ARFRP1: variants seen among roughly 807,000 people sequenced by gnomAD.
ARFRP1 encodes the protein ADP-ribosylation factor-related protein 1.
In ARFRP1, 19 loss-of-function variants were observed where a neutral mutation model predicts 30.3. The observed-to-expected ratio is 0.63, with a 90% CI of 0.44 to 0.92. The LOEUF is 0.92. Among genes scored for constraint, ARFRP1 ranks in the 40% least tolerant of loss-of-function variants. ARFRP1 has a pLI of 0.00. For synonymous variants in ARFRP1, 133 were observed against 114.2 expected, an observed-to-expected ratio of 1.16 and a Z score of -1.05; for missense variants, 245 against 267.5, an observed-to-expected ratio of 0.92 and a Z score of 0.59.
Position 63,707,104 on chromosome 20 carries a change from A to G in ARFRP1, c.-6-7T>C, listed in dbSNP as rs1171494499. ...GCAGCGTGTACATCCTGCCCTGGGC[A>G]CCCCAACATAGGTCAGTGTGCAGCC... On this transcript the variant is annotated splice_region_variant and splice_polypyrimidine_tract_variant and intron_variant, in intron 1 of 7. Transcript: ENST00000622789. 1.3e-6 allele frequency: 2 copies of G among 1,595,500 alleles called. No individual in the cohort carries two copies. Among genetic ancestry groups the G allele is most frequent in the Admixed American group, 3.5e-5 (2 of 57,450 alleles).
chr20:63,701,135 C>A, intron 6 of ARFRP1: 1 of 429,816 alleles, frequency 2.3e-6, no homozygotes, highest in Non-Finnish European at 4.9e-6. Flanking sequence ...GCCCAGTCTT[C>A]AAAAAGCAGC....
In ARFRP1 at chr20:63,704,171, C is replaced by T. The variant is rs1337974572; in HGVS notation, c.265-1954G>A. The stretch of plus-strand genomic sequence containing the variant: ...GACGAGGCCAATTCGCAATGACGCC[C>T]CTTTCTGTGGTGCTGGCTCTGCACA... On this transcript the variant is annotated intron_variant, in intron 4 of 7. Coordinates refer to ENST00000622789, the MANE Select transcript of ARFRP1 (RefSeq NM_001267547.3). The T allele has an allele frequency of 5.3e-5, 8 of 152,192 alleles. No homozygotes were observed. In the South Asian group the frequency reaches 1.7e-3, roughly 32 times the overall value. The allele number at this position is 152,192 out of a possible 1,614,324, so 9.4% of individuals were successfully genotyped here.
chr20:63,706,299 T>C (rs1288903026), intron 4 of ARFRP1, 58 bp downstream of exon 4: 2 of 1,517,002 alleles, frequency 1.3e-6, no homozygotes, highest in East Asian at 4.5e-5. Flanking sequence ...AAGGGCACTC[T>C]GGAAAGAAGT....
chr20:63,707,049 T>G lies in ARFRP1; in HGVS notation c.43A>C (p.Lys15Gln). The change falls in exon 2 of 8, where the codon AAG becomes CAG. Residue 15 changes from lysine to glutamine, a missense_variant. By Grantham distance (53) the Lys-to-Gln change is moderately conservative. Coordinates refer to ENST00000622789, the MANE Select transcript of ARFRP1 (RefSeq NM_001267547.3). ...AGGATCAGGATGCAGTACTCGTCCT[T>G]CTGAAACATGTACTTGTACAAGCCC... ...LSGLYKYMFQKDEYCILILGL... is the reference protein window; with the variant it reads ...LSGLYKYMFQQDEYCILILGL... 1 of 1,613,862 alleles carries G rather than the reference T, an allele frequency of 6.2e-7. No homozygotes were observed. Among genetic ancestry groups the G allele is most frequent in the Non-Finnish European group, 8.5e-7 (1 of 1,179,964 alleles).
intron 5 of ARFRP1, 97 bp from the exon 6 acceptor site, chr20:63,701,997 T>TGG: frequency 1.5e-6 from 1 of 684,608 alleles, no homozygotes; most frequent in Non-Finnish European, 2.2e-6. Flanking sequence ...CCACTCCCTC[T>TGG]GCCCCCCCCC....
At chr20:63,703,007 T>A (rs949995274) in intron 4 of ARFRP1, 1 of 152,228 alleles carries the variant, frequency 6.6e-6, no homozygotes, top group Non-Finnish European at 1.5e-5. Flanking sequence ...CAGCCTCAGG[T>A]ACAAGTGCTG....
chr20:63,707,971 G>A lies in ARFRP1; in HGVS notation c.-111C>T, dbSNP rs1353029660. 1 of 152,120 alleles carries A rather than the reference G, an allele frequency of 6.6e-6. No homozygotes were observed. The highest frequency in any genetic ancestry group is 1.5e-5 in the Non-Finnish European group (1 of 68,026). 9.4% of individuals were successfully genotyped at this position (152,120 alleles called of 1,614,324 possible). A position where few individuals can be genotyped will look rare whatever the true frequency, so the allele number is the denominator to read the frequency against. On this transcript the variant is annotated 5_prime_UTR_variant, in exon 1 of 8. Transcript: ENST00000622789. ...CCTGACGGGACGCGGGCCGGCCTCA[G>A]GGAATGAGCTGAACCGCGTCCCAGC...
intron 4 of ARFRP1, chr20:63,704,114 C>T (rs2091339285): frequency 6.6e-6 from 1 of 152,300 alleles, no homozygotes; most frequent in Admixed American, 6.5e-5. Context: ...ACATGCCACA[C>T]ATGTGGACAC....
At position 63,700,463 on chromosome 20, in the gene ARFRP1, G is replaced by T; in HGVS notation, c.586C>A (p.Arg196=). ...CVVRNVHRPP[R]QRDIT is the part of the protein sequence containing the mutation. ...TGCGCCTACGTGATGTCCCTCTGCC[G>T]CGGCGGCCGGTGCACATTCCGCACG... The change falls in exon 8 of 8, where the codon CGG becomes AGG. Residue 196 remains arginine, a synonymous_variant. Transcript: ENST00000622789. The T allele has an allele frequency of 6.2e-7, 1 of 1,609,418 alleles. No individual in the cohort carries two copies. The highest frequency in any genetic ancestry group is 8.5e-7 in the Non-Finnish European group (1 of 1,179,830).
chr20:63,707,113 T>C lies in ARFRP1; in HGVS notation c.-6-16A>G. On this transcript the variant is annotated splice_polypyrimidine_tract_variant and intron_variant, in intron 1 of 7. Coordinates refer to ENST00000622789, the MANE Select transcript of ARFRP1 (RefSeq NM_001267547.3). ...ACATCCTGCCCTGGGCACCCCAACATAGGTCAGTGTGCAGCCAGAAAGCAC... is the reference window on the plus strand; with the variant it reads ...ACATCCTGCCCTGGGCACCCCAACACAGGTCAGTGTGCAGCCAGAAAGCAC... 1.3e-6 allele frequency: 2 copies of C among 1,586,252 alleles called. No homozygotes were observed. The highest frequency in any genetic ancestry group is 1.3e-5 in the African/African-American group (1 of 74,162).
chr20:63,706,258 T>G lies in ARFRP1; in HGVS notation c.264+99A>C, dbSNP rs986322923. On this transcript the variant is annotated intron_variant, in intron 4 of 7. Coordinates refer to ENST00000622789, the MANE Select transcript of ARFRP1 (RefSeq NM_001267547.3). ...CAGAGAGAAAACCCGAGGGACAGAG[T>G]GGGTAAGGAAAACTGCTGAGGAAGG... 12 of 1,105,856 alleles carry G rather than the reference T, an allele frequency of 1.1e-5. No individual in the cohort carries two copies. The Admixed American group carries it at 1.9e-4, about 18-fold the overall frequency. 68.5% of individuals were successfully genotyped at this position (1,105,856 alleles called of 1,614,324 possible). A position where few individuals can be genotyped will look rare whatever the true frequency, so the allele number is the denominator to read the frequency against.
At chr20:63,701,418 G>T in intron 6 of ARFRP1, 1 of 515,880 alleles carries the variant, frequency 1.9e-6, no homozygotes, top group Admixed American at 2.1e-5. Flanking sequence ...TGGGGGTGGG[G>T]CTGGCACAGA....
intron 4 of ARFRP1, chr20:63,702,506 A>G (rs1032419055): frequency 4.9e-6 from 2 of 408,930 alleles, no homozygotes; most frequent in South Asian, 5.4e-5. Flanking sequence ...TTATCCCAAC[A>G]CTTTGGGAGG....
intron 6 of ARFRP1, chr20:63,701,415 G>A (rs1333047206): frequency 7.7e-6 from 4 of 522,660 alleles, no homozygotes; most frequent in Non-Finnish European, 3.9e-6. Flanking sequence ...CCCTGGGGGT[G>A]GGGCTGGCAC....
chr20:63,701,527 CCCCA>C (rs2091204772), intron 6 of ARFRP1: 1 of 559,624 alleles, frequency 1.8e-6, no homozygotes, highest in East Asian at 3.1e-5. Flanking sequence ...ACCTGGGTGT[CCCCA>C]CAGCTTGGCC....
intron 4 of ARFRP1, chr20:63,704,947 C>T (rs2091385391): frequency 6.6e-6 from 1 of 152,504 alleles, no homozygotes; most frequent in South Asian, 2.1e-4. Context: ...GCCAGTTCTC[C>T]TCCAGGGCTC....
Position 63,700,313 on chromosome 20 carries a change from G to C in ARFRP1, c.*130C>G, listed in dbSNP as rs1568744582. 2 of 1,354,812 alleles carry C rather than the reference G, an allele frequency of 1.5e-6. No individual in the cohort carries two copies. The highest frequency in any genetic ancestry group is 1.5e-5 in the African/African-American group (1 of 68,352). 83.9% of individuals were successfully genotyped at this position (1,354,812 alleles called of 1,614,324 possible). ...GACATAGAGGAAAGTTTGTCTTCGA[G>C]AAAACAAAGTAAATAGAAGAACCCC... On this transcript the variant is annotated 3_prime_UTR_variant, in exon 8 of 8. Coordinates refer to ENST00000622789, the MANE Select transcript of ARFRP1 (RefSeq NM_001267547.3).
rs900317553 is a variant in ARFRP1 at position 63,707,915 on chromosome 20, T to G, written c.-55A>C. On this transcript the variant is annotated 5_prime_UTR_variant, in exon 1 of 8. Transcript: ENST00000622789. ...CCGCTGCTGCTGACCCCCGCTGACC[T>G]CCGCTGACCCCGCGCTAACCCCGCG... 1 of 152,356 alleles carries G rather than the reference T, an allele frequency of 6.6e-6. No individual in the cohort carries two copies. The highest frequency in any genetic ancestry group is 1.5e-5 in the Non-Finnish European group (1 of 68,310). 9.4% of individuals were successfully genotyped at this position (152,356 alleles called of 1,614,324 possible).
At position 63,701,909 on chromosome 20, in the gene ARFRP1, G is replaced by A. The variant is rs2091223678; in HGVS notation, c.347-9C>T. 2 of 1,549,696 alleles carry A rather than the reference G, an allele frequency of 1.3e-6. No individual in the cohort carries two copies. Among genetic ancestry groups the A allele is most frequent in the African/African-American group, 1.4e-5 (1 of 73,066 alleles). ...GCTGGTCACCACCTTCTCTGGGGAG[G>A]GCAGGAGAGGCAGCGCCTCACACCC... On this transcript the variant is annotated splice_polypyrimidine_tract_variant and intron_variant, in intron 5 of 7. Transcript: ENST00000622789.
Sources: gnomAD v4.1 joint callset for allele counts on GRCh38, gnomAD v4.1.1 for gene constraint, MANE v1.5 for transcripts, NCBI Gene and HGNC (gene_info 2026-07-23, HGNC 2026-07-21) for gene names.